Variants in FNDC3B observed in about 807,000 individuals in gnomAD.
The protein encoded by FNDC3B is fibronectin type III domain containing 3B.
FNDC3B carries 12 observed loss-of-function variants against 151.5 expected under a neutral mutation model. The ratio of observed to expected loss-of-function variants is 0.08; its 90% CI spans 0.05 to 0.13. FNDC3B has a LOEUF of 0.13. Among genes scored for constraint, FNDC3B ranks in the 10% least tolerant of loss-of-function variants. The probability of loss-of-function intolerance (pLI) is 1.00; values close to 1 mark genes in which losing one functional copy is unlikely to be tolerated. For synonymous variants in FNDC3B, 528 were observed against 549.0 expected, an observed-to-expected ratio of 0.96 and a Z score of 0.54; for missense variants, 1,214 against 1,505.3, an observed-to-expected ratio of 0.81 and a Z score of 3.20.
chr3:172,240,492 C>G (rs1324503312), intron 4 of FNDC3B, among the ~76,000 whole-genome samples: 2 of 152,166 alleles, frequency 1.3e-5, no homozygotes, highest in Non-Finnish European at 2.9e-5. Context: ...TTTCACATCT[C>G]TTAATAACTC....
intron 1 of FNDC3B, among the ~76,000 whole-genome samples, chr3:172,086,426 A>G (rs530761027): frequency 6.6e-6 from 1 of 152,156 alleles, no homozygotes; most frequent in Non-Finnish European, 1.5e-5. Context: ...CCAAGGGTAC[A>G]TTGGAAAATT....
At chr3:172,078,989 C>T (rs528167746) in intron 1 of FNDC3B, among the ~76,000 whole-genome samples, 56 of 152,066 alleles carry the variant, frequency 3.7e-4, no homozygotes, top group Non-Finnish European at 7.1e-4. Context: ...TCTCTGAGGT[C>T]GGTATTTTAG....
intron 8 of FNDC3B, 99 bp downstream of exon 8, chr3:172,295,613 A>G: frequency 9.1e-7 from 1 of 1,094,014 alleles, no homozygotes; most frequent in Non-Finnish European, 1.3e-6. Context: ...GGCTTGGCAA[A>G]TTTTCCTTTA....
intron 2 of FNDC3B, among the ~76,000 whole-genome samples, chr3:172,123,152 C>A (rs1306297251): frequency 6.6e-6 from 1 of 152,188 alleles, no homozygotes; most frequent in Non-Finnish European, 1.5e-5. Context: ...TATCCTCTCA[C>A]CTCAGCCTCC....
chr3:172,043,158 C>T (rs1298722072), intron 1 of FNDC3B, among the ~76,000 whole-genome samples: 1 of 152,124 alleles, frequency 6.6e-6, no homozygotes, highest in Non-Finnish European at 1.5e-5. Context: ...TTCAGGTGAT[C>T]CACCCGCCTC....
At chr3:172,197,797 T>C (rs983711842) in intron 3 of FNDC3B, among the ~76,000 whole-genome samples, 4 of 152,226 alleles carry the variant, frequency 2.6e-5, no homozygotes, top group African/African-American at 9.6e-5. Flanking sequence ...TGTGCTCTCA[T>C]TGCATTCTTT....
chr3:172,280,998 A>G (rs190106983), intron 6 of FNDC3B, among the ~76,000 whole-genome samples: 58 of 151,876 alleles, frequency 3.8e-4, no homozygotes, highest in African/African-American at 1.1e-3. Flanking sequence ...ATTTGTTTTT[A>G]GGGAAAAGAA....
chr3:172,360,286 G>A (rs111532542), intron 22 of FNDC3B, among the ~76,000 whole-genome samples: 36 of 152,010 alleles, frequency 2.4e-4, no homozygotes, highest in East Asian at 9.7e-4. Context: ...CTAGTCTTCC[G>A]CCCATTTTTA....
chr3:172,192,223 A>T (rs1373367370), intron 3 of FNDC3B, among the ~76,000 whole-genome samples: 1 of 142,164 alleles, frequency 7.0e-6, no homozygotes, highest in Non-Finnish European at 1.5e-5. Flanking sequence ...CCCAGGCTGG[A>T]GTGCAGTGGC....
At chr3:172,392,266 C>T (rs1415826801) in intron 25 of FNDC3B, among the ~76,000 whole-genome samples, 1 of 152,328 alleles carries the variant, frequency 6.6e-6, no homozygotes, top group East Asian at 1.9e-4. Context: ...ACAGCTAAGA[C>T]ACATGCCACA....
At chr3:172,079,703 G>A (rs764187325) in intron 1 of FNDC3B, among the ~76,000 whole-genome samples, 7 of 152,172 alleles carry the variant, frequency 4.6e-5, no homozygotes, top group Non-Finnish European at 2.9e-5. Context: ...TTAAAGAGAG[G>A]TGCTGGGTGT....
chr3:172,397,808 T>G lies in FNDC3B; in HGVS notation c.*333T>G, dbSNP rs1041930013. 1.8e-5 allele frequency: 3 copies of G among 164,424 alleles called. No individual in the cohort carries two copies. Among genetic ancestry groups the G allele is most frequent in the African/African-American group, 7.2e-5 (3 of 41,730 alleles). 10.2% of individuals were successfully genotyped at this position (164,424 alleles called of 1,614,324 possible). A position where few individuals can be genotyped will look rare whatever the true frequency, so the allele number is the denominator to read the frequency against. On this transcript the variant is annotated 3_prime_UTR_variant, in exon 26 of 26. Transcript: ENST00000415807. ...TCTTTTGCAAGCCTTTGATTTTTTT[T>G]TTTTTGTTACAGTTTAGTAATTTAT...
intron 1 of FNDC3B, among the ~76,000 whole-genome samples, chr3:172,042,831 G>GTT (rs397696676): frequency 1.7e-3 from 243 of 141,402 alleles, no homozygotes; most frequent in Middle Eastern, 7.4e-3. Flanking sequence ...AACAGTTTAA[G>GTT]TTTTTTTTTT....
chr3:172,251,678 T>G (rs1383095315), intron 6 of FNDC3B, 137 bp downstream of exon 6: 1 of 730,366 alleles, frequency 1.4e-6, no homozygotes, highest in Non-Finnish European at 2.1e-6. Flanking sequence ...TAGACCTTCT[T>G]TGATCTATTT....
chr3:172,312,683 G>C (rs554752140), intron 11 of FNDC3B, among the ~76,000 whole-genome samples: 6 of 152,080 alleles, frequency 3.9e-5, no homozygotes, highest in African/African-American at 9.6e-5. Flanking sequence ...TATGAATCCT[G>C]TGTTTTTTTA....
chr3:172,078,842 A>G (rs1322425218), intron 1 of FNDC3B, among the ~76,000 whole-genome samples: 3 of 152,184 alleles, frequency 2.0e-5, no homozygotes, highest in East Asian at 1.9e-4. Flanking sequence ...AAAGTTTTCA[A>G]TGTTCCTGCC....
chr3:172,330,839 G>A, intron 13 of FNDC3B, 124 bp downstream of exon 13: 1 of 699,492 alleles, frequency 1.4e-6, no homozygotes, highest in Non-Finnish European at 2.4e-6. Flanking sequence ...TTCTGCCTCT[G>A]TCACCACCAC....
chr3:172,237,890 A>G (rs894757874), intron 4 of FNDC3B, among the ~76,000 whole-genome samples: 7 of 152,104 alleles, frequency 4.6e-5, no homozygotes, highest in Non-Finnish European at 1.0e-4. Context: ...TTTTTTTGTT[A>G]TTATTTAAAG....
chr3:172,309,448 T>TTGAGTTCTCATCTTAGAGA, intron 10 of FNDC3B, among the ~76,000 whole-genome samples: 1 of 141,346 alleles, frequency 7.1e-6, no homozygotes, highest in Middle Eastern at 3.5e-3. Flanking sequence ...CAGTTTTTTT[T>TTGAGTTCTCATCTTAGAGA]TGAGTTCTCA....
Sources: gnomAD v4.1 joint callset for allele counts (sites outside exome capture counted in the v4.1 genomes callset) on GRCh38, gnomAD v4.1.1 for gene constraint, MANE v1.5 for transcripts, NCBI Gene and HGNC (gene_info 2026-07-23, HGNC 2026-07-21) for gene names.